BLMH: variants seen among roughly 807,000 people sequenced by gnomAD.
BLMH encodes BLM hydrolase.
A neutral mutation model predicts 61.6 loss-of-function variants in BLMH; 32 were observed. The ratio of observed to expected loss-of-function variants is 0.52; its 90% CI spans 0.39 to 0.70. The LOEUF is 0.70. BLMH is among the 30% of genes least tolerant of loss of function. The pLI, the probability that BLMH is intolerant of heterozygous loss-of-function variation, is 0.00. For missense variants in BLMH, 460 were observed against 555.5 expected, an observed-to-expected ratio of 0.83 and a Z score of 1.73; for synonymous variants, 183 against 193.8, an observed-to-expected ratio of 0.94 and a Z score of 0.46.
intron 6 of BLMH, among the ~76,000 whole-genome samples, chr17:30,277,943 T>C (rs1345477652): frequency 6.6e-6 from 1 of 152,204 alleles, no homozygotes; most frequent in Non-Finnish European, 1.5e-5. Context: ...TCTTTTAGAT[T>C]CTAGTAAAAC....
At chr17:30,290,589 T>C (rs1908857908) in intron 2 of BLMH, among the ~76,000 whole-genome samples, 1 of 152,260 alleles carries the variant, frequency 6.6e-6, no homozygotes, top group Admixed American at 6.5e-5. Flanking sequence ...CCTGTCCGTA[T>C]AGATAGACTG....
chr17:30,280,233 G>A (rs537661755), intron 6 of BLMH, among the ~76,000 whole-genome samples: 3 of 152,108 alleles, frequency 2.0e-5, no homozygotes, highest in African/African-American at 7.2e-5. Context: ...CTATTGAATT[G>A]GGGCAAACTC....
At chr17:30,273,912 G>T (rs1187766022) in intron 7 of BLMH, 130 bp downstream of exon 7, 1 of 1,149,778 alleles carries the variant, frequency 8.7e-7, no homozygotes. Flanking sequence ...TTCAGAGGAA[G>T]TGGGGAAAAA....
At position 30,287,792 on chromosome 17, in the gene BLMH, GA is replaced by G; in HGVS notation, c.463+13del. ...CATGCTGAGTTTCAGTTCCATTAAAGAAAGAACTTTTACCAACAATATTAAC... is the reference window on the plus strand; with the variant it reads ...CATGCTGAGTTTCAGTTCCATTAAAGAAGAACTTTTACCAACAATATTAAC... On this transcript the variant is annotated intron_variant, in intron 4 of 11. Transcript: ENST00000261714. The G allele has an allele frequency of 1.2e-6, 2 of 1,613,034 alleles. No individual in the cohort carries two copies. Among genetic ancestry groups the G allele is most frequent in the Non-Finnish European group, 1.7e-6 (2 of 1,179,550 alleles).
At chr17:30,257,107 A>T (rs925575144) in intron 11 of BLMH, among the ~76,000 whole-genome samples, 1 of 152,258 alleles carries the variant, frequency 6.6e-6, no homozygotes, top group Non-Finnish European at 1.5e-5. Context: ...ACTTACATGC[A>T]TACAATATGA....
chr17:30,262,498 A>G (rs545329389), intron 11 of BLMH, among the ~76,000 whole-genome samples: 1 of 152,338 alleles, frequency 6.6e-6, no homozygotes, highest in East Asian at 1.9e-4. Context: ...TAAAAAGTTA[A>G]GAACTAAATA....
intron 6 of BLMH, among the ~76,000 whole-genome samples, chr17:30,277,331 G>T (rs1460238128): frequency 6.6e-6 from 1 of 152,158 alleles, no homozygotes; most frequent in East Asian, 1.9e-4. Flanking sequence ...CATTCATTTT[G>T]TATTTACTCA....
At position 30,256,248 on chromosome 17, in the gene BLMH, A is replaced by G. The variant is rs549689302; in HGVS notation, c.1217-7080T>C. Among the ~76,000 whole-genome samples the G allele has an allele frequency of 2.0e-5, 3 of 152,174 alleles. No individual in the cohort carries two copies. The South Asian group carries it at 6.2e-4, about 32-fold the overall frequency. On this transcript the variant is annotated intron_variant, in intron 11 of 11. Coordinates refer to ENST00000261714, the MANE Select transcript of BLMH (RefSeq NM_000386.4). Reference sequence around the variant, plus strand: ...ATAGTCATCAGTTACAGTACACTCTATATTTTATATTGGTTGCAAACTTTT... The same window carrying G: ...ATAGTCATCAGTTACAGTACACTCTGTATTTTATATTGGTTGCAAACTTTT...
chr17:30,283,482 C>T (rs190835928), intron 6 of BLMH, among the ~76,000 whole-genome samples: 177 of 150,926 alleles, frequency 1.2e-3, no homozygotes, highest in African/African-American at 4.1e-3. Flanking sequence ...TTTTCCACAA[C>T]TGTTTGCAGA....
Position 30,248,464 on chromosome 17 carries a change from A to G in BLMH, c.*553T>C, listed in dbSNP as rs924368935. ...CCACAGTTCAGAACAGGAAGGAATC[A>G]TGTCAGATCTGATCAACCTCCCATT... On this transcript the variant is annotated 3_prime_UTR_variant, in exon 12 of 12. Transcript: ENST00000261714. 3 of 152,894 alleles carry G rather than the reference A, an allele frequency of 2.0e-5. No individual in the cohort carries two copies. The highest frequency in any genetic ancestry group is 7.2e-5 in the African/African-American group (3 of 41,392). The allele number at this position is 152,894 out of a possible 1,614,324, so 9.5% of individuals were successfully genotyped here.
intron 3 of BLMH, 96 bp from the exon 4 acceptor site, chr17:30,288,043 G>T (rs1908778914): frequency 2.4e-6 from 3 of 1,235,094 alleles, no homozygotes; most frequent in Non-Finnish European, 3.3e-6. Flanking sequence ...AATTACCATG[G>T]AATCAACATA....
intron 11 of BLMH, among the ~76,000 whole-genome samples, chr17:30,266,414 A>G (rs1156799990): frequency 2.0e-5 from 3 of 150,918 alleles, no homozygotes; most frequent in South Asian, 2.1e-4. Context: ...AGCCCCAGCT[A>G]CTCCAGAGGC....
At chr17:30,281,107 T>C (rs1446918588) in intron 6 of BLMH, among the ~76,000 whole-genome samples, 1 of 151,472 alleles carries the variant, frequency 6.6e-6, no homozygotes, top group African/African-American at 2.4e-5. Context: ...TTTTTTTTTT[T>C]TTAAAGTAAA....
At chr17:30,288,899 A>G (rs555966498) in intron 3 of BLMH, among the ~76,000 whole-genome samples, 1 of 152,238 alleles carries the variant, frequency 6.6e-6, no homozygotes, top group East Asian at 1.9e-4. Context: ...CCCAGGAGGC[A>G]GAGGTTACAG....
Position 30,291,923 on chromosome 17 carries a change from G to A in BLMH, c.-104C>T. 1.7e-6 allele frequency: 2 copies of A among 1,202,606 alleles called. No homozygotes were observed. Among genetic ancestry groups the A allele is most frequent in the Non-Finnish European group, 2.1e-6 (2 of 946,098 alleles). The allele number at this position is 1,202,606 out of a possible 1,614,324, so 74.5% of individuals were successfully genotyped here. The stretch of plus-strand genomic sequence containing the variant: ...GCCTAGGGGGCCCGACCTGTCTCTC[G>A]CACCCGGAGCGCCGGAAAAAGGAAA... On this transcript the variant is annotated 5_prime_UTR_variant, in exon 1 of 12. Coordinates refer to ENST00000261714, the MANE Select transcript of BLMH (RefSeq NM_000386.4).
At chr17:30,291,077 T>C in intron 2 of BLMH, 1 of 562,986 alleles carries the variant, frequency 1.8e-6, no homozygotes, top group East Asian at 3.0e-5. Flanking sequence ...CACTCAAACG[T>C]ATACTCATGG....
At chr17:30,287,469 A>T (rs1908764845) in intron 4 of BLMH, among the ~76,000 whole-genome samples, 1 of 152,240 alleles carries the variant, frequency 6.6e-6, no homozygotes, top group African/African-American at 2.4e-5. Flanking sequence ...GATTTCCCCA[A>T]AAGATGTTTT....
At chr17:30,281,506 A>G (rs768173195) in intron 6 of BLMH, among the ~76,000 whole-genome samples, 14 of 152,170 alleles carry the variant, frequency 9.2e-5, no homozygotes, top group Admixed American at 3.3e-4. Context: ...ACCCTTTTCT[A>G]CACATTGGTT....
intron 6 of BLMH, among the ~76,000 whole-genome samples, chr17:30,275,709 A>C (rs1485965534): frequency 6.6e-6 from 1 of 152,050 alleles, no homozygotes; most frequent in Admixed American, 6.5e-5. Context: ...AAGCAATGCA[A>C]AAATAGAAAA....
Sources: allele counts gnomAD v4.1 joint callset (sites outside exome capture counted in the v4.1 genomes callset), GRCh38; gene constraint gnomAD v4.1.1; transcripts MANE v1.5; gene names NCBI Gene and HGNC (gene_info 2026-07-23, HGNC 2026-07-21).